Variants in VPS13A observed in about 807,000 individuals in gnomAD.
VPS13A encodes vacuolar protein sorting 13 homolog A.
A neutral mutation model predicts 390.9 loss-of-function variants in VPS13A; 264 were observed. The ratio of observed to expected loss-of-function variants is 0.68; its 90% confidence interval spans 0.61 to 0.75. The LOEUF (loss-of-function observed/expected upper bound fraction) is 0.75, where lower values mean the gene tolerates loss of function less well. Among genes scored for constraint, VPS13A ranks in the 30% least tolerant of loss-of-function variants. The pLI, the probability that VPS13A is intolerant of heterozygous loss-of-function variation, is 0.00. For missense variants in VPS13A, 3,409 were observed against 3,733.9 expected, an observed-to-expected ratio of 0.91 and a Z score of 2.27; for synonymous variants, 1,231 against 1,227.1, an observed-to-expected ratio of 1.00 and a Z score of -0.07.
chr9:77,353,642 G>A lies in VPS13A; in HGVS notation c.7652+1G>A, dbSNP rs1318813788. ...AAGTAGCCTATATAGGCATTACAAG[G>A]TTAGATGCATTAAATTTTGGATACA... On this transcript the variant is annotated splice_donor_variant, in intron 54 of 71. Transcript: ENST00000360280. LOFTEE classifies it high-confidence loss of function. 6.2e-7 allele frequency: 1 copy of A among 1,609,520 alleles called. No homozygotes were observed. Among genetic ancestry groups the A allele is most frequent in the South Asian group, 1.1e-5 (1 of 90,894 alleles).
intron 45 of VPS13A, among the ~76,000 whole-genome samples, chr9:77,323,889 A>G (rs1412893544): frequency 6.6e-6 from 1 of 151,026 alleles, no homozygotes; most frequent in Non-Finnish European, 1.5e-5. Context: ...GTTGTTGCTC[A>G]GTAGTAATCT....
At chr9:77,265,520 C>G (rs1825989061) in intron 23 of VPS13A, among the ~76,000 whole-genome samples, 1 of 152,084 alleles carries the variant, frequency 6.6e-6, no homozygotes, top group Non-Finnish European at 1.5e-5. Flanking sequence ...CTGATTTAGT[C>G]TTGAGAGGGT....
intron 71 of VPS13A, among the ~76,000 whole-genome samples, chr9:77,413,105 C>T (rs1417744018): frequency 6.6e-6 from 1 of 152,200 alleles, no homozygotes; most frequent in African/African-American, 2.4e-5. Context: ...AGGATACAAA[C>T]AAATGGAAGA....
intron 32 of VPS13A, among the ~76,000 whole-genome samples, chr9:77,294,766 G>A (rs1293517836): frequency 3.3e-5 from 5 of 152,084 alleles, no homozygotes; most frequent in African/African-American, 9.7e-5. Flanking sequence ...GTGCAGTGGC[G>A]TGCTCCTAGC....
intron 68 of VPS13A, among the ~76,000 whole-genome samples, chr9:77,399,856 G>A (rs1445501969): frequency 2.0e-5 from 3 of 152,150 alleles, no homozygotes; most frequent in Non-Finnish European, 4.4e-5. Flanking sequence ...ACAGATACAT[G>A]TACGTACAAA....
intron 23 of VPS13A, among the ~76,000 whole-genome samples, chr9:77,266,223 A>G (rs568132455): frequency 6.6e-6 from 1 of 152,260 alleles, no homozygotes; most frequent in African/African-American, 2.4e-5. Flanking sequence ...TATGTGATCA[A>G]TTTTAGAATA....
chr9:77,276,278 T>C lies in VPS13A; in HGVS notation c.2824+57T>C, dbSNP rs1341522352. The C allele has an allele frequency of 2.8e-6, 4 of 1,431,930 alleles. No individual in the cohort carries two copies. The African/African-American group carries it at 4.3e-5, about 15-fold the overall frequency. The allele number at this position is 1,431,930 out of a possible 1,614,324, so 88.7% of individuals were successfully genotyped here. ...TTAATTTCATTGTTTGACTACCTGC[T>C]AGAGAGTTTTCAATTCTTTAGGCTC... On this transcript the variant is annotated intron_variant, in intron 26 of 71. Transcript: ENST00000360280.
At chr9:77,384,591 C>G in intron 68 of VPS13A, 2 of 1,611,334 alleles carry the variant, frequency 1.2e-6, no homozygotes. Flanking sequence ...ACAGAAAATT[C>G]AATTCTACAG....
In VPS13A at chr9:77,226,573, A is replaced by G. The variant is rs369712807; in HGVS notation, c.1332A>G (p.Glu444=). ...CTTGGTCAGAACAAAATACTAATGA[A>G]CAGCAACCAGATGTTCAACCTGAAA... is the stretch of plus-strand genomic sequence containing the variant. ...LWSWSEQNTN[E]QQPDVQPETL... The change falls in exon 15 of 72, where the codon GAA becomes GAG. Residue 444 remains glutamate (E), a synonymous_variant. Coordinates refer to ENST00000360280, the MANE Select transcript of VPS13A (RefSeq NM_033305.3). 1 of 1,612,900 alleles carries G rather than the reference A, an allele frequency of 6.2e-7. No individual in the cohort carries two copies. The highest frequency in any genetic ancestry group is 8.5e-7 in the Non-Finnish European group (1 of 1,179,262).
At chr9:77,364,924 A>G (rs1832352961) in intron 59 of VPS13A, among the ~76,000 whole-genome samples, 1 of 152,182 alleles carries the variant, frequency 6.6e-6, no homozygotes, top group Non-Finnish European at 1.5e-5. Context: ...ATATGTTAAA[A>G]TGTGAATCTT....
At chr9:77,182,741 C>A (rs1382424619) in intron 1 of VPS13A, among the ~76,000 whole-genome samples, 2 of 152,268 alleles carry the variant, frequency 1.3e-5, no homozygotes, top group East Asian at 3.9e-4. Context: ...AATACTTGGA[C>A]AAATTTGTAA....
At chr9:77,401,766 C>T (rs1351792971) in intron 68 of VPS13A, among the ~76,000 whole-genome samples, 2 of 152,092 alleles carry the variant, frequency 1.3e-5, no homozygotes, top group Non-Finnish European at 2.9e-5. Context: ...CTGTCATTTC[C>T]ACAGTTGCTT....
chr9:77,216,261 G>C (rs532492057), intron 10 of VPS13A, among the ~76,000 whole-genome samples: 1 of 152,298 alleles, frequency 6.6e-6, no homozygotes, highest in South Asian at 2.1e-4. Flanking sequence ...GGCTATGAAG[G>C]AGAAGTTTGG....
intron 4 of VPS13A, 24 bp downstream of exon 4, chr9:77,205,432 T>A: frequency 8.9e-7 from 1 of 1,124,590 alleles, no homozygotes; most frequent in Non-Finnish European, 1.2e-6. Flanking sequence ...AAAAAAATTA[T>A]AATTTAAGTT....
At chr9:77,298,362 TGAA>T (rs1828133626) in intron 33 of VPS13A, among the ~76,000 whole-genome samples, 1 of 152,112 alleles carries the variant, frequency 6.6e-6, no homozygotes, top group South Asian at 2.1e-4. Flanking sequence ...GTGGGACATA[TGAA>T]GAAGAATGCT....
intron 1 of VPS13A, among the ~76,000 whole-genome samples, chr9:77,190,802 AGGTTGT>A (rs1824633549): frequency 1.3e-5 from 2 of 152,116 alleles, no homozygotes; most frequent in African/African-American, 4.8e-5. Flanking sequence ...CAATCTTGGG[AGGTTGT>A]ATGTTTCCAG....
intron 69 of VPS13A, 24 bp from the exon 70 acceptor site, chr9:77,405,837 ATTC>A: frequency 4.3e-6 from 7 of 1,611,588 alleles, no homozygotes; most frequent in Non-Finnish European, 5.9e-6. Context: ...TTTAAAGCGA[ATTC>A]TTTTTTTGTT....
intron 12 of VPS13A, among the ~76,000 whole-genome samples, chr9:77,220,694 T>A (rs924874707): frequency 6.6e-6 from 1 of 152,040 alleles, no homozygotes; most frequent in Non-Finnish European, 1.5e-5. Context: ...GCATTGTCTC[T>A]CCCCAACCCC....
In VPS13A at chr9:77,377,781, A is replaced by T. The variant is rs75731478; in HGVS notation, c.9078-4195A>T. 9.0e-3 allele frequency among the ~76,000 whole-genome samples: 1,364 copies of T among 152,290 alleles called. 23 individuals carry two copies. The highest frequency in any genetic ancestry group is 0.03 in the African/African-American group (1,266 of 41,564). The stretch of plus-strand genomic sequence containing the variant: ...TGAAGTAGAAGTGCTGAGAGAATAG[A>T]CATGCCTATATTGCTTTTAATCTTA... On this transcript the variant is annotated intron_variant, in intron 67 of 71. Transcript: ENST00000360280.
Sources: gnomAD v4.1 joint callset for allele counts (sites outside exome capture counted in the v4.1 genomes callset) on GRCh38, gnomAD v4.1.1 for gene constraint, MANE v1.5 for transcripts, NCBI Gene and HGNC (gene_info 2026-07-23, HGNC 2026-07-21) for gene names.